Variants in NID2 observed in about 807,000 individuals in gnomAD.
NID2 encodes the protein nidogen-2.
NID2 carries 83 observed loss-of-function variants against 145.4 expected under a neutral mutation model. That is an observed-to-expected ratio of 0.57 (90% CI 0.48 to 0.69). NID2 has a LOEUF of 0.69. Ranked by LOEUF, NID2 falls within the 30% of genes least tolerant of loss-of-function variation. NID2 has a pLI of 0.00. For missense variants in NID2, 1,807 were observed against 1,765.7 expected, an observed-to-expected ratio of 1.02 and a Z score of -0.42; for synonymous variants, 739 against 701.3, an observed-to-expected ratio of 1.05 and a Z score of -0.85.
rs764506643 is a variant in NID2, at chr14:52,015,039, C to T, written c.3250+15G>A. The T allele has an allele frequency of 5.0e-5, 80 of 1,601,754 alleles. No individual in the cohort carries two copies. Among genetic ancestry groups the T allele is most frequent in the Non-Finnish European group, 5.7e-5 (67 of 1,172,922 alleles). ...TAGATACAGCTGAGGGGAGCGGGGG[C>T]GGCCAGGTGCTTACACGCAGGGGTG... is the stretch of plus-strand genomic sequence containing the variant. On this transcript the variant is annotated intron_variant, in intron 15 of 21. Coordinates refer to ENST00000216286, the MANE Select transcript of NID2 (RefSeq NM_007361.4).
chr14:52,007,985 A>G lies in NID2; in HGVS notation c.3723-18T>C. 4 of 1,589,008 alleles carry G rather than the reference A, an allele frequency of 2.5e-6. No individual in the cohort carries two copies. Among genetic ancestry groups the G allele is most frequent in the African/African-American group, 1.4e-5 (1 of 73,502 alleles). Reference sequence around the variant, plus strand: ...ACAAGTTGCTGTAAGTTAAAAATCAAGATTGTAAAAGAATAGCCATGTAGC... The same window carrying G: ...ACAAGTTGCTGTAAGTTAAAAATCAGGATTGTAAAAGAATAGCCATGTAGC... On this transcript the variant is annotated intron_variant, in intron 18 of 21. Coordinates refer to ENST00000216286, the MANE Select transcript of NID2 (RefSeq NM_007361.4).
rs939801504 is a variant in NID2, at chr14:52,068,946, C to T, written c.49G>A (p.Val17Met). The part of the protein sequence containing the change: ...AGRPVLSSLP[V>M]LLLLPLLMLR... ...ATTAGCAACGGCAGCAGCAGTAGCA[C>T]TGGTAACGACGACAGCACCGGCCGC... The change falls in exon 1 of 22, where the codon GTG (valine) becomes ATG (methionine). Residue 17 changes from valine to methionine, a missense_variant. Transcript: ENST00000216286. 2 of 1,613,618 alleles carry T rather than the reference C, an allele frequency of 1.2e-6. No individual in the cohort carries two copies. Among genetic ancestry groups the T allele is most frequent in the Admixed American group, 3.3e-5 (2 of 60,002 alleles).
chr14:52,041,240 A>G (rs554009826), intron 7 of NID2, among the ~76,000 whole-genome samples: 8 of 152,358 alleles, frequency 5.3e-5, no homozygotes, highest in African/African-American at 1.9e-4. Context: ...TGAATTTCAG[A>G]TAAGTATGTC....
In NID2 at chr14:52,060,219, C is replaced by A. The variant is rs995973033; in HGVS notation, c.672G>T (p.Arg224=). 1 of 1,613,990 alleles carries A rather than the reference C, an allele frequency of 6.2e-7. No individual in the cohort carries two copies. Among genetic ancestry groups the A allele is most frequent in the African/African-American group, 1.3e-5 (1 of 74,998 alleles). The part of the protein sequence containing the change: ...SYNVQLQLPA[R]VGFCRGEADD... ...CAGCCTCCCCTCGGCAGAAGCCCAC[C>A]CGAGCTGGAAGCTGAAGCTGGACAT... Residue 224 remains arginine (R), a synonymous_variant, in exon 3 of 22, where the codon CGG becomes CGT. Transcript: ENST00000216286.
intron 9 of NID2, 84 bp from the exon 10 acceptor site, chr14:52,029,774 C>A: frequency 1.7e-6 from 2 of 1,149,640 alleles, no homozygotes; most frequent in Non-Finnish European, 2.5e-6. Flanking sequence ...TCGGAACTGA[C>A]TGCATGTCTG....
At chr14:52,039,413 C>T (rs1892196333) in intron 8 of NID2, among the ~76,000 whole-genome samples, 2 of 152,190 alleles carry the variant, frequency 1.3e-5, no homozygotes, top group African/African-American at 2.4e-5. Flanking sequence ...AATTTTAAAC[C>T]AATCCATCTT....
intron 2 of NID2, among the ~76,000 whole-genome samples, chr14:52,063,273 C>T (rs1015196101): frequency 2.0e-5 from 3 of 152,218 alleles, no homozygotes; most frequent in African/African-American, 4.8e-5. Context: ...ACCTGACAAA[C>T]GAGTCACTGG....
Position 52,019,253 on chromosome 14 carries a change from G to C in NID2, c.2836C>G (p.His946Asp), listed in dbSNP as rs1280036338. The part of the protein sequence containing the change: ...SLTPCEQQQR[H>D]AQAQYAYPGA... ...GGGTAGGCATACTGGGCCTGGGCAT[G>C]GCGCTGCTGTTGTTCACAGGGTGTC... is the stretch of plus-strand genomic sequence containing the variant. The change falls in exon 14 of 22, where the codon CAT becomes GAT. Residue 946 changes from histidine to aspartate, a missense_variant. Physicochemically the swap from His to Asp is moderately conservative, Grantham distance 81. Transcript: ENST00000216286. The C allele has an allele frequency of 6.2e-7, 1 of 1,604,696 alleles. No individual in the cohort carries two copies. The highest frequency in any genetic ancestry group is 1.1e-5 in the South Asian group (1 of 90,852).
intron 16 of NID2, among the ~76,000 whole-genome samples, chr14:52,013,293 A>G (rs770251453): frequency 5.3e-5 from 8 of 152,200 alleles, no homozygotes; most frequent in Non-Finnish European, 1.2e-4. Context: ...TGAATAAAAG[A>G]GGGTTAGCTT....
At chr14:52,037,912 G>T (rs1892133050) in intron 9 of NID2, among the ~76,000 whole-genome samples, 1 of 152,098 alleles carries the variant, frequency 6.6e-6, no homozygotes, top group Non-Finnish European at 1.5e-5. Flanking sequence ...TCTTTAGTTT[G>T]CTCATTGCTA....
intron 15 of NID2, 112 bp downstream of exon 15, chr14:52,014,942 C>G (rs1033792327): frequency 2.0e-5 from 17 of 852,034 alleles, no homozygotes; most frequent in Non-Finnish European, 2.6e-5. Flanking sequence ...ATAGTGACTT[C>G]TTTCATTAGA....
At chr14:52,034,348 A>T (rs1891981577) in intron 9 of NID2, among the ~76,000 whole-genome samples, 1 of 152,106 alleles carries the variant, frequency 6.6e-6, no homozygotes, top group Non-Finnish European at 1.5e-5. Flanking sequence ...AGATGCCTAC[A>T]CCCAACACAG....
chr14:52,042,729 A>G, intron 6 of NID2, 53 bp downstream of exon 6: 1 of 1,579,892 alleles, frequency 6.3e-7, no homozygotes, highest in Non-Finnish European at 8.7e-7. Flanking sequence ...GTAGCTGGAA[A>G]CAGGTAAGCA....
chr14:52,054,051 G>C lies in NID2; in HGVS notation c.1038C>G (p.Phe346Leu), dbSNP rs1286264355. The stretch of plus-strand genomic sequence containing the variant: ...AAGGCTTTGTATCCACTTTGGATTG[G>C]AAGGAAACATCAATGCTGCTGTGGC... ...LNGHSSIDVS[F>L]QSKVDTKPLE... is the part of the protein sequence containing the mutation. The change falls in exon 4 of 22, where the codon TTC (phenylalanine) becomes TTG (leucine). Residue 346 changes from phenylalanine to leucine, a missense_variant. By Grantham distance (22) the Phe-to-Leu change is conservative. Coordinates refer to ENST00000216286, the MANE Select transcript of NID2 (RefSeq NM_007361.4). 2.5e-6 allele frequency: 4 copies of C among 1,614,142 alleles called. No individual in the cohort carries two copies. The highest frequency in any genetic ancestry group is 1.6e-4 in the Middle Eastern group (1 of 6,062).
chr14:52,034,741 T>C (rs1215954260), intron 9 of NID2, among the ~76,000 whole-genome samples: 4 of 152,202 alleles, frequency 2.6e-5, no homozygotes, highest in Non-Finnish European at 4.4e-5. Flanking sequence ...CAGATTCACC[T>C]CACTGAGGAG....
intron 14 of NID2, among the ~76,000 whole-genome samples, chr14:52,018,449 T>C (rs112805956): frequency 6.6e-6 from 1 of 152,328 alleles, no homozygotes; most frequent in African/African-American, 2.4e-5. Flanking sequence ...AGCTGGGGAA[T>C]GCTCTAGATG....
intron 7 of NID2, among the ~76,000 whole-genome samples, chr14:52,041,531 C>T (rs548310980): frequency 3.6e-4 from 55 of 152,312 alleles, no homozygotes; most frequent in South Asian, 3.3e-3. Context: ...TTGTTGTCAA[C>T]GGGTGGCCTT....
chr14:52,014,988 G>T, intron 15 of NID2, 66 bp downstream of exon 15: 1 of 1,340,668 alleles, frequency 7.5e-7, no homozygotes, highest in Non-Finnish European at 1.0e-6. Context: ...CTTCACCACA[G>T]CAGGCACCAT....
At position 52,027,265 on chromosome 14, in the gene NID2, A is replaced by G. The variant is rs776963906; in HGVS notation, c.2610T>C (p.His870=). 5 of 1,598,330 alleles carry G rather than the reference A, an allele frequency of 3.1e-6. No individual in the cohort carries two copies. In the South Asian group the frequency reaches 3.4e-5, roughly 11 times the overall value. The change falls in exon 12 of 22, where the codon CAT becomes CAC. Residue 870 remains histidine, a synonymous_variant. Transcript: ENST00000216286. ...APAGQARCVH[H]GGSTFSCACL... ...AGGCACAGCTGAACGTGCTGCCTCC[A>G]TGGTGAACACACCGGGCCTGCCCAG...
Sources: gnomAD v4.1 joint callset for allele counts (sites outside exome capture counted in the v4.1 genomes callset) on GRCh38, gnomAD v4.1.1 for gene constraint, MANE v1.5 for transcripts, NCBI Gene and HGNC (gene_info 2026-07-23, HGNC 2026-07-21) for gene names.